The following MAP7 variants were observed in gnomAD, a reference collection of about 807,000 sequenced individuals.
MAP7 encodes the protein ensconsin.
A neutral mutation model predicts 94.8 loss-of-function variants in MAP7; 52 were observed. The observed-to-expected ratio is 0.55, with a 90% CI of 0.44 to 0.69. The LOEUF (loss-of-function observed/expected upper bound fraction) is 0.69. Ranked by LOEUF, MAP7 falls within the 30% of genes least tolerant of loss-of-function variation. MAP7 has a pLI of 0.00. For missense variants in MAP7, 940 were observed against 964.6 expected, an observed-to-expected ratio of 0.97 and a Z score of 0.34; for synonymous variants, 350 against 357.0, an observed-to-expected ratio of 0.98 and a Z score of 0.22.
At chr6:136,374,182 G>T (rs1326934652) in intron 7 of MAP7, among the ~76,000 whole-genome samples, 1 of 152,154 alleles carries the variant, frequency 6.6e-6, no homozygotes, top group Admixed American at 6.5e-5. Flanking sequence ...CGTCTTAATT[G>T]GAAACTGACA....
intron 1 of MAP7, among the ~76,000 whole-genome samples, chr6:136,449,405 C>G (rs1800416606): frequency 1.3e-5 from 2 of 152,188 alleles, no homozygotes; most frequent in Admixed American, 1.3e-4. Flanking sequence ...GTGCAGCTCC[C>G]CAAACCAGAA....
At chr6:136,484,212 C>T in intron 1 of MAP7, among the ~76,000 whole-genome samples, 1 of 152,202 alleles carries the variant, frequency 6.6e-6, no homozygotes, top group East Asian at 1.9e-4. Context: ...CTATTAAGAA[C>T]TGGCACTATT....
chr6:136,439,901 C>T lies in MAP7; in HGVS notation c.68-18102G>A, dbSNP rs1244014020. ...ATTTACACAGGGAGTGGCTGGCTCA[C>T]GGGCCCACTTCATGCCCGGTCTCGC... On this transcript the variant is annotated intron_variant, in intron 1 of 17. Transcript: ENST00000354570. Among the ~76,000 whole-genome samples, 7 of 152,194 alleles carry T rather than the reference C, an allele frequency of 4.6e-5. No individual in the cohort carries two copies. In the East Asian group the frequency reaches 5.8e-4, roughly 13 times the overall value.
chr6:136,411,260 C>G lies in MAP7; in HGVS notation c.244+360G>C, dbSNP rs547961602. On this transcript the variant is annotated intron_variant, in intron 3 of 17. Coordinates refer to ENST00000354570, the MANE Select transcript of MAP7 (RefSeq NM_003980.6). ...AAGTTCAATGGCAGCATTATTTTAA[C>G]AGAGAAGTCAGTTAAGTGCCCTGAC... Among the ~76,000 whole-genome samples, 3 of 152,358 alleles carry G rather than the reference C, an allele frequency of 2.0e-5. No homozygotes were observed. The East Asian group carries it at 5.8e-4, about 29-fold the overall frequency.
chr6:136,541,601 T>G (rs1399447472), intron 1 of MAP7, among the ~76,000 whole-genome samples: 1 of 152,226 alleles, frequency 6.6e-6, no homozygotes, highest in East Asian at 1.9e-4. Flanking sequence ...CATTGTTTTA[T>G]ACCCCGTGCT....
intron 3 of MAP7, among the ~76,000 whole-genome samples, chr6:136,406,111 C>T (rs540636618): frequency 6.6e-6 from 1 of 152,166 alleles, no homozygotes; most frequent in East Asian, 1.9e-4. Flanking sequence ...TATGTTGTTG[C>T]ATAAATTCTA....
intron 16 of MAP7, among the ~76,000 whole-genome samples, chr6:136,356,168 T>TTTTTG (rs1365819148): frequency 9.9e-5 from 15 of 152,262 alleles, no homozygotes; most frequent in Non-Finnish European, 1.9e-4. Flanking sequence ...TATCACTTGT[T>TTTTTG]TTTTGTTTTG....
Position 136,499,734 on chromosome 6 carries a change from C to A in MAP7, c.67+50608G>T, listed in dbSNP as rs1819316663. On this transcript the variant is annotated intron_variant, in intron 1 of 17. Coordinates refer to ENST00000354570, the MANE Select transcript of MAP7 (RefSeq NM_003980.6). ...CCCTGAATGGCCAGGTGCAGTGGCT[C>A]ACAGCTGTAATCCCAGGACTTTGGG... Among the ~76,000 whole-genome samples, 4 of 152,116 alleles carry A rather than the reference C, an allele frequency of 2.6e-5. No homozygotes were observed. In the South Asian group the frequency reaches 8.3e-4, roughly 32 times the overall value.
chr6:136,454,453 C>T (rs771264704), intron 1 of MAP7, among the ~76,000 whole-genome samples: 4 of 151,806 alleles, frequency 2.6e-5, no homozygotes, highest in Admixed American at 6.6e-5. Flanking sequence ...ACTACAGGCA[C>T]GTGACACTAT....
chr6:136,450,933 A>G (rs1282922143), intron 1 of MAP7, among the ~76,000 whole-genome samples: 1 of 152,198 alleles, frequency 6.6e-6, no homozygotes, highest in African/African-American at 2.4e-5. Flanking sequence ...AAAAATTTGT[A>G]CCCCAAATAT....
chr6:136,520,216 A>AAG lies in MAP7; in HGVS notation c.67+30125_67+30126insCT, dbSNP rs1554271268. ...GTTTGCCTCAAAAAAAAAAAAAAAAAGGGGGGAGGAGCAGGAGGAGGAGAA... is the reference window on the plus strand; with the variant it reads ...GTTTGCCTCAAAAAAAAAAAAAAAAAAGGGGGGGAGGAGCAGGAGGAGGAGAA... On this transcript the variant is annotated intron_variant, in intron 1 of 17. Transcript: ENST00000354570. Among the ~76,000 whole-genome samples the AAG allele has an allele frequency of 8.6e-4, 127 of 147,636 alleles. 2 individuals carry two copies. The highest frequency in any genetic ancestry group is 2.4e-3 in the East Asian group (12 of 5,044).
At chr6:136,437,609 A>G (rs966229993) in intron 1 of MAP7, among the ~76,000 whole-genome samples, 3 of 152,198 alleles carry the variant, frequency 2.0e-5, no homozygotes, top group Non-Finnish European at 4.4e-5. Context: ...TGACAGTTTC[A>G]TCTCAATTTT....
At chr6:136,355,110 G>C (rs1790502816) in intron 16 of MAP7, among the ~76,000 whole-genome samples, 1 of 152,020 alleles carries the variant, frequency 6.6e-6, no homozygotes, top group African/African-American at 2.4e-5. Flanking sequence ...AGGAGGTGGA[G>C]GTTGCAGTGA....
chr6:136,467,179 T>C (rs1286580528), intron 1 of MAP7, among the ~76,000 whole-genome samples: 1 of 152,156 alleles, frequency 6.6e-6, no homozygotes, highest in Non-Finnish European at 1.5e-5. Context: ...AAACATACAT[T>C]AAAAACTTAG....
At chr6:136,450,361 T>C (rs1025215345) in intron 1 of MAP7, among the ~76,000 whole-genome samples, 13 of 152,034 alleles carry the variant, frequency 8.6e-5, no homozygotes, top group African/African-American at 2.9e-4. Context: ...AAACATAGAT[T>C]TTTTTTTAAA....
intron 1 of MAP7, among the ~76,000 whole-genome samples, chr6:136,515,430 G>A (rs989071454): frequency 2.6e-5 from 4 of 152,180 alleles, no homozygotes; most frequent in South Asian, 2.1e-4. Flanking sequence ...GCTGTTTGGC[G>A]CAAGAGGCCT....
chr6:136,512,188 T>A (rs1304522952), intron 1 of MAP7, among the ~76,000 whole-genome samples: 1 of 152,230 alleles, frequency 6.6e-6, no homozygotes, highest in East Asian at 1.9e-4. Context: ...AGCTATGCTG[T>A]CTCATTCTCT....
intron 1 of MAP7, among the ~76,000 whole-genome samples, chr6:136,437,712 T>C (rs977835989): frequency 6.6e-6 from 1 of 152,148 alleles, no homozygotes; most frequent in Admixed American, 6.5e-5. Context: ...CTGGAAATTA[T>C]CGTAAACCAG....
At chr6:136,426,652 G>C (rs1793251353) in intron 1 of MAP7, among the ~76,000 whole-genome samples, 1 of 152,232 alleles carries the variant, frequency 6.6e-6, no homozygotes, top group African/African-American at 2.4e-5. Context: ...CTGGGATGGA[G>C]CACGAGCAAA....
Sources: gnomAD v4.1 joint callset for allele counts (sites outside exome capture counted in the v4.1 genomes callset) on GRCh38, gnomAD v4.1.1 for gene constraint, MANE v1.5 for transcripts, NCBI Gene and HGNC (gene_info 2026-07-23, HGNC 2026-07-21) for gene names.